Variants in WWOX observed in about 807,000 individuals in gnomAD.
WWOX encodes the protein WW domain-containing oxidoreductase.
In WWOX, 69 loss-of-function variants were observed where a neutral mutation model predicts 46.2. That is an observed-to-expected ratio of 1.49 (90% CI 1.23 to 1.82). The LOEUF (loss-of-function observed/expected upper bound fraction) is 1.82. Among genes scored for constraint, WWOX ranks in the 40% most tolerant of loss-of-function variants. WWOX has a pLI of 0.00. For missense variants in WWOX, 919 were observed against 542.6 expected (o/e 1.69, Z -6.89); for synonymous variants, 359 against 202.6 (o/e 1.77, Z -6.56).
intron 8 of WWOX, among the ~76,000 whole-genome samples, chr16:78,966,722 A>G (rs1241854704): frequency 6.6e-6 from 1 of 152,216 alleles, no homozygotes; most frequent in Non-Finnish European, 1.5e-5. Flanking sequence ...GCTTAAATAT[A>G]TTGCAAAACT....
intron 5 of WWOX, chr16:78,355,930 G>A (rs2081276196): frequency 1.5e-5 from 4 of 260,758 alleles, no homozygotes; most frequent in Non-Finnish European, 3.1e-5. Context: ...CATACATTTG[G>A]ATATTAAGAA....
intron 8 of WWOX, among the ~76,000 whole-genome samples, chr16:78,994,153 C>A (rs1027396627): frequency 1.3e-5 from 2 of 152,228 alleles, no homozygotes; most frequent in South Asian, 4.1e-4. Flanking sequence ...TTAATCAAAA[C>A]CCCCTTCAGA....
Position 78,125,449 on chromosome 16 carries a change from C to G in WWOX, c.409+10295C>G, listed in dbSNP as rs529885395. On this transcript the variant is annotated intron_variant, in intron 4 of 8. Transcript: ENST00000566780. Reference sequence around the variant, plus strand: ...TTGTTAATCCTGAGTTTGGAATCAACCAATTTATTTAAACCCGTGAAGCCT... The same window carrying G: ...TTGTTAATCCTGAGTTTGGAATCAAGCAATTTATTTAAACCCGTGAAGCCT... 5.9e-5 allele frequency among the ~76,000 whole-genome samples: 9 copies of G among 152,264 alleles called. No individual in the cohort carries two copies. In the South Asian group the frequency reaches 1.9e-3, roughly 32 times the overall value.
intron 5 of WWOX, among the ~76,000 whole-genome samples, chr16:78,255,086 T>C (rs1211560953): frequency 6.6e-6 from 1 of 152,216 alleles, no homozygotes; most frequent in Admixed American, 6.5e-5. Flanking sequence ...CTGGCCTTTA[T>C]GCTAAGTTCT....
chr16:79,060,797 G>C (rs993137389), intron 8 of WWOX, among the ~76,000 whole-genome samples: 6 of 152,204 alleles, frequency 3.9e-5, no homozygotes, highest in Non-Finnish European at 7.3e-5. Flanking sequence ...GGTGCCTTTG[G>C]AGAGTTAGGT....
At position 78,858,262 on chromosome 16, in the gene WWOX, A is replaced by G. The variant is rs554565843; in HGVS notation, c.1057-353346A>G. On this transcript the variant is annotated intron_variant, in intron 8 of 8. Transcript: ENST00000566780. ...TACATGGAGAAGTTCTTTAGTGGCG[A>G]TTTATCAGATTTCAGTGTACCCATC... 2.3e-4 allele frequency among the ~76,000 whole-genome samples: 35 copies of G among 150,254 alleles called. No homozygotes were observed. The South Asian group carries it at 7.1e-3, about 31-fold the overall frequency.
At chr16:78,290,134 G>A (rs1025229881) in intron 5 of WWOX, among the ~76,000 whole-genome samples, 1 of 152,048 alleles carries the variant, frequency 6.6e-6, no homozygotes, top group African/African-American at 2.4e-5. Context: ...AGTGTCTTTA[G>A]TGCATTGCTA....
chr16:78,860,587 G>A lies in WWOX; in HGVS notation c.1057-351021G>A, dbSNP rs528391349. On this transcript the variant is annotated intron_variant, in intron 8 of 8. Coordinates refer to ENST00000566780, the MANE Select transcript of WWOX (RefSeq NM_016373.4). Reference sequence around the variant, plus strand: ...GTGAAAAAGAAAAGTCCCTATCCTGGTGGATCTTAGATTATCGTGGAGAAG... The same window carrying A: ...GTGAAAAAGAAAAGTCCCTATCCTGATGGATCTTAGATTATCGTGGAGAAG... Among the ~76,000 whole-genome samples the A allele has an allele frequency of 2.6e-5, 4 of 152,302 alleles. No individual in the cohort carries two copies. The South Asian group carries it at 8.3e-4, about 32-fold the overall frequency.
chr16:78,981,464 G>A (rs1230573210), intron 8 of WWOX, among the ~76,000 whole-genome samples: 2 of 150,172 alleles, frequency 1.3e-5, no homozygotes, highest in African/African-American at 4.9e-5. Flanking sequence ...TTTAGGTGGA[G>A]TCTTGCTCTG....
chr16:78,260,569 G>A (rs914022327), intron 5 of WWOX, among the ~76,000 whole-genome samples: 1 of 151,354 alleles, frequency 6.6e-6, no homozygotes, highest in African/African-American at 2.4e-5. Context: ...TTGGGAGGCT[G>A]AGGCAGGAGA....
intron 8 of WWOX, among the ~76,000 whole-genome samples, chr16:78,579,355 T>C (rs2044988670): frequency 6.6e-6 from 1 of 152,022 alleles, no homozygotes; most frequent in Admixed American, 6.6e-5. Context: ...CAGGGCAGGC[T>C]CCAAAGGCGA....
chr16:78,965,412 T>C (rs1268059048), intron 8 of WWOX, among the ~76,000 whole-genome samples: 2 of 151,850 alleles, frequency 1.3e-5, no homozygotes, highest in Admixed American at 6.6e-5. Context: ...GTACTGTAAA[T>C]ACAAAAAATT....
At chr16:78,457,060 C>T (rs1005651660) in intron 8 of WWOX, among the ~76,000 whole-genome samples, 6 of 152,140 alleles carry the variant, frequency 3.9e-5, no homozygotes, top group Non-Finnish European at 8.8e-5. Flanking sequence ...CAATATGTGC[C>T]CACCCTACGA....
At position 78,947,627 on chromosome 16, in the gene WWOX, T is replaced by A. The variant is rs1025060225; in HGVS notation, c.1057-263981T>A. On this transcript the variant is annotated intron_variant, in intron 8 of 8. Coordinates refer to ENST00000566780, the MANE Select transcript of WWOX (RefSeq NM_016373.4). ...CTGTCCACGCCACACTGTGGTCAGA[T>A]AACCCCCGATCGTAATAAGCCGGAG... Among the ~76,000 whole-genome samples the A allele has an allele frequency of 5.9e-5, 9 of 152,194 alleles. 1 individual carries two copies. The highest frequency in any genetic ancestry group is 5.9e-4 in the Admixed American group (9 of 15,278).
chr16:78,690,994 T>C (rs545463771), intron 8 of WWOX, among the ~76,000 whole-genome samples: 1 of 152,314 alleles, frequency 6.6e-6, no homozygotes, highest in African/African-American at 2.4e-5. Flanking sequence ...ACGCCATTCG[T>C]AGACCCCCTT....
chr16:79,160,797 A>C (rs2050470900), intron 8 of WWOX, among the ~76,000 whole-genome samples: 1 of 152,224 alleles, frequency 6.6e-6, no homozygotes, highest in Non-Finnish European at 1.5e-5. Flanking sequence ...CTGTGTGTAC[A>C]TATATGTATA....
At chr16:78,986,199 A>G (rs2046781336) in intron 8 of WWOX, among the ~76,000 whole-genome samples, 2 of 152,218 alleles carry the variant, frequency 1.3e-5, no homozygotes, top group African/African-American at 2.4e-5. Flanking sequence ...ATTTTTACAT[A>G]TGCAGCGCGC....
chr16:78,595,605 C>T (rs2151609148), intron 8 of WWOX, among the ~76,000 whole-genome samples: 1 of 152,342 alleles, frequency 6.6e-6, no homozygotes, highest in Middle Eastern at 3.4e-3. Flanking sequence ...ATAGGGCAGG[C>T]AGGGCCACCT....
intron 8 of WWOX, among the ~76,000 whole-genome samples, chr16:78,865,429 A>C (rs2043982734): frequency 6.6e-6 from 1 of 152,220 alleles, no homozygotes. Context: ...ACTTTGATTC[A>C]CATCATGGCT....
Sources: allele counts gnomAD v4.1 joint callset (sites outside exome capture counted in the v4.1 genomes callset), GRCh38; gene constraint gnomAD v4.1.1; transcripts MANE v1.5; gene names NCBI Gene and HGNC (gene_info 2026-07-23, HGNC 2026-07-21).